The following RHBDD1 variants were observed in gnomAD, a reference collection of about 807,000 sequenced individuals.
RHBDD1 encodes rhomboid domain containing 1.
A neutral mutation model predicts 36.3 loss-of-function variants in RHBDD1; 38 were observed. The observed-to-expected ratio is 1.05, with a 90% confidence interval of 0.81 to 1.37. RHBDD1 has a LOEUF of 1.37. Ranked by LOEUF, RHBDD1 falls within the 40% of genes most tolerant of loss-of-function variation. The probability of loss-of-function intolerance (pLI) is 0.00; values close to 1 mark genes in which losing one functional copy is unlikely to be tolerated. For synonymous variants in RHBDD1, 151 were observed against 136.5 expected (o/e 1.11, Z -0.74); for missense variants, 393 against 377.6 (o/e 1.04, Z -0.34).
At chr2:226,826,517 ATTTTTTTT>A in the RHBDD1 span, among the ~76,000 whole-genome samples, 1 of 122,084 alleles carries the variant, frequency 8.2e-6, no homozygotes, top group Admixed American at 9.1e-5. Context: ...ATCATGATAG[ATTTTTTTT>A]TTTTTTTTTT....
intron 8 of RHBDD1, among the ~76,000 whole-genome samples, chr2:226,921,694 T>A (rs1949326227): frequency 6.6e-6 from 1 of 152,194 alleles, no homozygotes; most frequent in Non-Finnish European, 1.5e-5. Context: ...TGGTCAGAGA[T>A]GATACTTGAT....
chr2:226,956,856 C>G (rs1211877860), intron 8 of RHBDD1, among the ~76,000 whole-genome samples: 1 of 152,180 alleles, frequency 6.6e-6, no homozygotes, highest in African/African-American at 2.4e-5. Context: ...GTTAGACCAG[C>G]TCTTTGGCAA....
intron 8 of RHBDD1, among the ~76,000 whole-genome samples, chr2:226,976,578 G>A (rs1338117999): frequency 6.6e-6 from 1 of 152,124 alleles, no homozygotes; most frequent in Non-Finnish European, 1.5e-5. Context: ...ACAGTTCCGT[G>A]TGGTGCTGCT....
intron 8 of RHBDD1, among the ~76,000 whole-genome samples, chr2:226,966,638 T>G (rs1271235369): frequency 1.3e-5 from 2 of 152,206 alleles, no homozygotes; most frequent in Non-Finnish European, 2.9e-5. Context: ...TCATATAAAT[T>G]TAAATAGCCA....
the RHBDD1 span, among the ~76,000 whole-genome samples, chr2:226,825,294 G>C: frequency 1.3e-4 from 20 of 151,884 alleles, no homozygotes; most frequent in Non-Finnish European, 2.6e-4. Context: ...CAGAAGTGGC[G>C]GTTGCAGATG....
intron 8 of RHBDD1, among the ~76,000 whole-genome samples, chr2:226,967,428 C>T (rs545286726): frequency 2.0e-5 from 3 of 151,946 alleles, no homozygotes; most frequent in Non-Finnish European, 4.4e-5. Context: ...TACATGTGCA[C>T]AATGTGCAGG....
chr2:226,829,303 T>C, the RHBDD1 span, among the ~76,000 whole-genome samples: 3 of 152,230 alleles, frequency 2.0e-5, no homozygotes, highest in Non-Finnish European at 2.9e-5. Flanking sequence ...TTAAGTAGTA[T>C]AATTCCTCCA....
chr2:226,809,027 T>C, the RHBDD1 span, among the ~76,000 whole-genome samples: 121 of 152,332 alleles, frequency 7.9e-4, no homozygotes, highest in African/African-American at 2.8e-3. Flanking sequence ...CAAGTAGGCA[T>C]TTGTGTATAT....
At chr2:226,979,313 G>A (rs1369421737) in intron 8 of RHBDD1, among the ~76,000 whole-genome samples, 4 of 152,144 alleles carry the variant, frequency 2.6e-5, no homozygotes, top group Non-Finnish European at 5.9e-5. Flanking sequence ...TGGACACATA[G>A]AAGGGTGAGA....
At chr2:226,910,174 C>T (rs146316242) in intron 7 of RHBDD1, among the ~76,000 whole-genome samples, 65 of 152,230 alleles carry the variant, frequency 4.3e-4, no homozygotes, top group East Asian at 3.7e-3. Context: ...CTTTTGCACT[C>T]GATTTATTTT....
chr2:226,873,602 GA>G (rs1468154106), intron 5 of RHBDD1, among the ~76,000 whole-genome samples: 2 of 152,200 alleles, frequency 1.3e-5, no homozygotes. Context: ...CTGGGGAAGG[GA>G]AAGTAATGGA....
intron 7 of RHBDD1, among the ~76,000 whole-genome samples, chr2:226,910,434 A>G (rs913847938): frequency 1.3e-5 from 2 of 152,186 alleles, no homozygotes; most frequent in Admixed American, 1.3e-4. Context: ...GAGCATATGT[A>G]TATCTTACAA....
upstream of RHBDD1, chr2:226,835,668 G>A (rs1304724668): frequency 6.6e-6 from 1 of 152,332 alleles, no homozygotes; most frequent in East Asian, 1.9e-4. Context: ...CGTTGGGTAG[G>A]CGGCCGCGAC....
chr2:226,836,020 G>C (rs1263321299), upstream of RHBDD1: 2 of 152,728 alleles, frequency 1.3e-5, no homozygotes, highest in Non-Finnish European at 2.9e-5. Flanking sequence ...GGGCGCCCCG[G>C]ATCGGGAACG....
At chr2:226,950,734 T>A (rs1030707027) in intron 8 of RHBDD1, among the ~76,000 whole-genome samples, 90 of 152,186 alleles carry the variant, frequency 5.9e-4, no homozygotes, top group African/African-American at 2.1e-3. Context: ...CCCTGATATT[T>A]AGTGAGCATT....
chr2:226,905,110 G>T (rs1416753505), intron 5 of RHBDD1, among the ~76,000 whole-genome samples: 1 of 151,402 alleles, frequency 6.6e-6, no homozygotes, highest in Non-Finnish European at 1.5e-5. Context: ...CCACCTTCTG[G>T]AATGAGAGGT....
chr2:226,954,919 G>A (rs1455574690), intron 8 of RHBDD1, among the ~76,000 whole-genome samples: 2 of 152,014 alleles, frequency 1.3e-5, no homozygotes, highest in Non-Finnish European at 2.9e-5. Flanking sequence ...CGTATGGCGG[G>A]ATGTGTTAGG....
At chr2:226,962,419 A>G (rs144100645) in intron 8 of RHBDD1, among the ~76,000 whole-genome samples, 3 of 152,374 alleles carry the variant, frequency 2.0e-5, no homozygotes, top group African/African-American at 7.2e-5. Flanking sequence ...GTTCTAATTA[A>G]TACAAGTAAT....
At chr2:226,994,403 G>A (rs890575070) in intron 8 of RHBDD1, among the ~76,000 whole-genome samples, 4 of 152,178 alleles carry the variant, frequency 2.6e-5, no homozygotes, top group African/African-American at 7.2e-5. Context: ...GGAAGGTGCC[G>A]AAAGCTGAAG....
Sources: allele counts gnomAD v4.1 joint callset (sites outside exome capture counted in the v4.1 genomes callset), GRCh38; gene constraint gnomAD v4.1.1; transcripts MANE v1.5; gene names NCBI Gene and HGNC (gene_info 2026-07-23, HGNC 2026-07-21).